Variants in KCNH8 observed in about 807,000 individuals in gnomAD.
KCNH8 encodes voltage-gated delayed rectifier potassium channel KCNH8.
A neutral mutation model predicts 103.6 loss-of-function variants in KCNH8; 70 were observed. That is an observed-to-expected ratio of 0.68 (90% CI 0.56 to 0.82). The LOEUF (loss-of-function observed/expected upper bound fraction) is 0.82. Ranked by LOEUF, KCNH8 falls within the 40% of genes least tolerant of loss-of-function variation. KCNH8 has a pLI of 0.00. For synonymous variants in KCNH8, 498 were observed against 489.4 expected, an observed-to-expected ratio of 1.02 and a Z score of -0.23; for missense variants, 1,217 against 1,329.9, an observed-to-expected ratio of 0.92 and a Z score of 1.32.
rs939865500 is a variant in KCNH8, at chr3:19,265,432, G to A, written c.310+11545G>A. Among the ~76,000 whole-genome samples, 12 of 152,174 alleles carry A rather than the reference G, an allele frequency of 7.9e-5. 1 individual carries two copies. The highest frequency in any genetic ancestry group is 2.2e-4 in the African/African-American group (9 of 41,540). On this transcript the variant is annotated intron_variant, in intron 2 of 15. Transcript: ENST00000328405. The stretch of plus-strand genomic sequence containing the variant: ...GTCTATGTGACTGCACAGACCGCAT[G>A]CCCATGAGGGTGGCCTTGTACATCA...
chr3:19,448,896 A>G (rs1161623733), intron 8 of KCNH8: 1 of 895,450 alleles, frequency 1.1e-6, no homozygotes, highest in African/African-American at 1.7e-5. Context: ...ATCCATAAAT[A>G]TGAACGTGCT....
At chr3:19,178,195 A>T (rs2063418900) in intron 1 of KCNH8, among the ~76,000 whole-genome samples, 1 of 152,090 alleles carries the variant, frequency 6.6e-6, no homozygotes, top group African/African-American at 2.4e-5. Flanking sequence ...AAAATTACTT[A>T]TTTGTATTAT....
intron 11 of KCNH8, among the ~76,000 whole-genome samples, chr3:19,484,185 C>G (rs1467437910): frequency 6.6e-6 from 1 of 152,132 alleles, no homozygotes; most frequent in Non-Finnish European, 1.5e-5. Flanking sequence ...ATTTTAAAAA[C>G]TGTGGACATG....
intron 1 of KCNH8, among the ~76,000 whole-genome samples, chr3:19,173,112 C>A (rs1421613520): frequency 6.6e-6 from 1 of 151,914 alleles, no homozygotes; most frequent in Admixed American, 6.6e-5. Flanking sequence ...CTGCAGATTC[C>A]CAGGCTCTGT....
At chr3:19,314,269 C>T (rs2065244514) in intron 3 of KCNH8, among the ~76,000 whole-genome samples, 2 of 151,796 alleles carry the variant, frequency 1.3e-5, no homozygotes, top group African/African-American at 4.8e-5. Flanking sequence ...CATATAAAGT[C>T]TATTGATACT....
chr3:19,451,067 TAGG>T lies in KCNH8; in HGVS notation c.1576-86_1576-84del, dbSNP rs2067440186. 3.9e-6 allele frequency: 5 copies of T among 1,267,758 alleles called. No individual in the cohort carries two copies. The Admixed American group carries it at 8.8e-5, about 22-fold the overall frequency. 78.5% of individuals were successfully genotyped at this position (1,267,758 alleles called of 1,614,324 possible). ...TGGATGGCCAAACAGCAGGAGACAG[TAGG>T]AAGAGCATCCCTGCTGTCTTGCAAA... On this transcript the variant is annotated intron_variant, in intron 9 of 15. Coordinates refer to ENST00000328405, the MANE Select transcript of KCNH8 (RefSeq NM_144633.3).
chr3:19,304,985 G>A (rs933011492), intron 3 of KCNH8, among the ~76,000 whole-genome samples: 3 of 151,942 alleles, frequency 2.0e-5, no homozygotes, highest in African/African-American at 2.4e-5. Flanking sequence ...AAACTGATTG[G>A]AAAGGAGTAG....
intron 1 of KCNH8, among the ~76,000 whole-genome samples, chr3:19,151,099 G>T (rs1263997862): frequency 2.0e-5 from 3 of 150,954 alleles, no homozygotes; most frequent in African/African-American, 7.3e-5. Context: ...CACAAATTTT[G>T]GTATATCTAG....
In KCNH8 at chr3:19,258,905, T is replaced by TTCTCTCTC. The variant is rs755488116; in HGVS notation, c.310+5054_310+5061dup. 1.7e-3 allele frequency among the ~76,000 whole-genome samples: 72 copies of TTCTCTCTC among 43,064 alleles called. 1 individual carries two copies. Among genetic ancestry groups the TTCTCTCTC allele is most frequent in the East Asian group, 3.6e-3 (5 of 1,398 alleles). The allele number at this position is 43,064 out of a possible 152,430, so 28.3% of individuals were successfully genotyped here. A position where few individuals can be genotyped will look rare whatever the true frequency, so the allele number is the denominator to read the frequency against. On this transcript the variant is annotated intron_variant, in intron 2 of 15. Transcript: ENST00000328405. Reference sequence around the variant, plus strand: ...AAATAACTTCATTTTTATTTTCTGTTTCTCTCTCTCTCTCTCTCTCTCTCT... The same window carrying TTCTCTCTC: ...AAATAACTTCATTTTTATTTTCTGTTTCTCTCTCTCTCTCTCTCTCTCTCTCTCTCTCT...
At chr3:19,156,298 C>A (rs768062408) in intron 1 of KCNH8, among the ~76,000 whole-genome samples, 1 of 152,112 alleles carries the variant, frequency 6.6e-6, no homozygotes, top group Non-Finnish European at 1.5e-5. Context: ...AATTCAAGCC[C>A]AGAATTCTAC....
At chr3:19,361,472 A>G (rs558160911) in intron 5 of KCNH8, among the ~76,000 whole-genome samples, 53 of 152,176 alleles carry the variant, frequency 3.5e-4, no homozygotes, top group African/African-American at 1.2e-3. Flanking sequence ...TTTATATTCA[A>G]TGCTGTATTT....
chr3:19,500,742 G>C (rs2068562126), intron 11 of KCNH8, among the ~76,000 whole-genome samples: 1 of 151,944 alleles, frequency 6.6e-6, no homozygotes, highest in South Asian at 2.1e-4. Flanking sequence ...CGAGAACAAA[G>C]ACACAACATA....
At chr3:19,399,783 T>G (rs998975993) in intron 7 of KCNH8, among the ~76,000 whole-genome samples, 1 of 151,942 alleles carries the variant, frequency 6.6e-6, no homozygotes, top group Admixed American at 6.6e-5. Flanking sequence ...ATAGCAATAC[T>G]CTTAAAGTCT....
intron 7 of KCNH8, among the ~76,000 whole-genome samples, chr3:19,407,801 T>C (rs994218600): frequency 2.0e-5 from 3 of 152,104 alleles, no homozygotes; most frequent in Non-Finnish European, 4.4e-5. Flanking sequence ...TCTCCAGGTA[T>C]CTAGAGCACC....
rs191388701 is a variant in KCNH8 at position 19,301,550 on chromosome 3, C to T, written c.442+20221C>T. Among the ~76,000 whole-genome samples the T allele has an allele frequency of 6.4e-4, 97 of 152,172 alleles. 1 individual carries two copies. Among genetic ancestry groups the T allele is most frequent in the African/African-American group, 2.0e-3 (85 of 41,526 alleles). ...AAAAAGAAAATATTGTGTCTCTACT[C>T]ATAGAACACTTCTAACACCAAATGT... is the stretch of plus-strand genomic sequence containing the variant. On this transcript the variant is annotated intron_variant, in intron 3 of 15. Transcript: ENST00000328405.
rs4021206 is a variant in KCNH8, at chr3:19,410,878, C to CAAAAA, written c.1177+15579_1177+15583dup. ...AATCAGTAATAAAAAGCCTACCAAGCAAAAAAAAAAAAAAAAGCCCTGGAC... is the reference window on the plus strand; with the variant it reads ...AATCAGTAATAAAAAGCCTACCAAGCAAAAAAAAAAAAAAAAAAAAAGCCCTGGAC... On this transcript the variant is annotated intron_variant, in intron 7 of 15. Coordinates refer to ENST00000328405, the MANE Select transcript of KCNH8 (RefSeq NM_144633.3). Among the ~76,000 whole-genome samples, 51 of 63,376 alleles carry CAAAAA rather than the reference C, an allele frequency of 8.0e-4. 1 individual carries two copies. The East Asian group carries it at 8.6e-3, about 11-fold the overall frequency. The allele number at this position is 63,376 out of a possible 152,430, so 41.6% of individuals were successfully genotyped here.
intron 11 of KCNH8, among the ~76,000 whole-genome samples, chr3:19,502,748 C>G (rs2068613277): frequency 6.7e-6 from 1 of 149,032 alleles, no homozygotes; most frequent in Non-Finnish European, 1.5e-5. Flanking sequence ...AACTGGATCC[C>G]TTCCTTACAC....
In KCNH8 at chr3:19,533,581, C is replaced by A; in HGVS notation, c.2806C>A (p.His936Asn). 6.2e-7 allele frequency: 1 copy of A among 1,614,188 alleles called. No individual in the cohort carries two copies. The highest frequency in any genetic ancestry group is 8.5e-7 in the Non-Finnish European group (1 of 1,180,038). ...TSWSAHQPCL[H>N]LQTGGAAYTQ... ...CTGGAGTGCACACCAGCCTTGCCTA[C>A]ACTTGCAAACAGGCGGGGCTGCTTA... Residue 936 changes from histidine (H) to asparagine (N), a missense_variant, in exon 16 of 16, where the codon CAC becomes AAC. By Grantham distance (68) the His-to-Asn change is moderately conservative (BLOSUM62 1). Around this residue, in one of 3 missense-constraint regions of KCNH8, gnomAD observed 558 missense variants for 495.8 expected, o/e 1.13. Transcript: ENST00000328405.
intron 1 of KCNH8, among the ~76,000 whole-genome samples, chr3:19,241,224 A>G (rs1001191690): frequency 3.9e-5 from 6 of 151,958 alleles, no homozygotes; most frequent in African/African-American, 1.5e-4. Context: ...ATTGTTCATT[A>G]TAGTCATTAA....
Sources: gnomAD v4.1 joint callset for allele counts (sites outside exome capture counted in the v4.1 genomes callset) on GRCh38, gnomAD v4.1.1 for gene constraint, gnomAD v4.1.1 regional missense constraint, MANE v1.5 for transcripts, NCBI Gene and HGNC (gene_info 2026-07-23, HGNC 2026-07-21) for gene names.